Variants in ACO1 observed in about 807,000 individuals in gnomAD.
ACO1 encodes aconitase 1.
Under a neutral mutation model 105.1 loss-of-function variants are expected in ACO1, and 78 were observed. That is an observed-to-expected ratio of 0.74 (90% confidence interval 0.62 to 0.90). The LOEUF (loss-of-function observed/expected upper bound fraction) is 0.90, where lower values mean the gene tolerates loss of function less well. Ranked by LOEUF, ACO1 falls within the 40% of genes least tolerant of loss-of-function variation. ACO1 has a pLI of 0.00. For synonymous variants in ACO1, 364 were observed against 397.4 expected (o/e 0.92, Z 1.00); for missense variants, 965 against 1,111.1 (o/e 0.87, Z 1.87).
At chr9:32,396,052 G>A (rs1394198107) in intron 1 of ACO1, among the ~76,000 whole-genome samples, 3 of 152,196 alleles carry the variant, frequency 2.0e-5, no homozygotes, top group African/African-American at 7.2e-5. Flanking sequence ...TTTTGGCAGT[G>A]GCTGTACACA....
At position 32,427,409 on chromosome 9, in the gene ACO1, G is replaced by A. The variant is rs1210890102; in HGVS notation, c.1457G>A (p.Gly486Glu). ...GTCACCTACTACCTACAAGAAAGCG[G>A]AGTCATGCCTTATCTGTCTCAGCTT... ...GVVTYYLQES[G>E]VMPYLSQLGF... The change falls in exon 12 of 21, where the codon GGA becomes GAA. Residue 486 changes from glycine (G) to glutamate (E), a missense_variant. Physicochemically the swap from Gly to Glu is moderately conservative, Grantham distance 98 (BLOSUM62 -2). Transcript: ENST00000309951. 1 of 1,614,204 alleles carries A rather than the reference G, an allele frequency of 6.2e-7. No individual in the cohort carries two copies.
In ACO1 at chr9:32,452,370, A is replaced by G. The variant is rs574561635; in HGVS notation, c.*2259A>G. ...AGATCATGAGGGTAGTGCCTTTTAA[A>G]AGAGACTCAAGATAAGATAGAGACC... On this transcript the variant is annotated 3_prime_UTR_variant, in exon 21 of 21. Coordinates refer to ENST00000309951, the MANE Select transcript of ACO1 (RefSeq NM_002197.3). 6.6e-6 allele frequency: 1 copy of G among 152,254 alleles called. No homozygotes were observed. The highest frequency in any genetic ancestry group is 1.5e-5 in the Non-Finnish European group (1 of 68,028). 9.4% of individuals were successfully genotyped at this position (152,254 alleles called of 1,614,324 possible). A position where few individuals can be genotyped will look rare whatever the true frequency, so the allele number is the denominator to read the frequency against.
intron 1 of ACO1, among the ~76,000 whole-genome samples, chr9:32,393,917 C>T (rs749161398): frequency 1.4e-4 from 21 of 152,108 alleles, no homozygotes; most frequent in Non-Finnish European, 2.6e-4. Flanking sequence ...GCAGCCTTTC[C>T]CTGAGTTAGT....
intron 8 of ACO1, among the ~76,000 whole-genome samples, chr9:32,421,636 G>A (rs1463779562): frequency 6.6e-6 from 1 of 152,204 alleles, no homozygotes; most frequent in Non-Finnish European, 1.5e-5. Flanking sequence ...CTGACCTGAG[G>A]TCAGGAGTTC....
chr9:32,449,874 C>T (rs1822717678), intron 20 of ACO1, 124 bp from the exon 21 acceptor site: 3 of 702,572 alleles, frequency 4.3e-6, no homozygotes, highest in Non-Finnish European at 7.6e-6. Flanking sequence ...CTTGCATGTC[C>T]TCATGTGCTG....
chr9:32,405,640 T>TG, intron 2 of ACO1, 37 bp downstream of exon 2: 1 of 1,436,498 alleles, frequency 7.0e-7, no homozygotes, highest in Non-Finnish European at 9.7e-7. Flanking sequence ...GGAATCTCAT[T>TG]TGCACAATGA....
At chr9:32,443,450 G>C (rs12001953) in intron 19 of ACO1, among the ~76,000 whole-genome samples, 6,800 of 152,234 alleles carry the variant, frequency 0.045, 480 homozygotes, top group African/African-American at 0.15. Flanking sequence ...AGATATAACA[G>C]AGGTAAAAGG....
At chr9:32,397,692 T>A (rs967971645) in intron 1 of ACO1, among the ~76,000 whole-genome samples, 1 of 152,216 alleles carries the variant, frequency 6.6e-6, no homozygotes, top group East Asian at 1.9e-4. Flanking sequence ...TGAGCTGCAG[T>A]GAACCTCAGA....
intron 13 of ACO1, 23 bp from the exon 14 acceptor site, chr9:32,430,395 G>T (rs749726455): frequency 3.1e-6 from 5 of 1,599,972 alleles, no homozygotes; most frequent in South Asian, 2.3e-5. Flanking sequence ...TTAGTGACCT[G>T]ATTTTTCTCT....
chr9:32,437,561 C>T (rs1438452954), intron 18 of ACO1, among the ~76,000 whole-genome samples: 1 of 151,962 alleles, frequency 6.6e-6, no homozygotes, highest in Non-Finnish European at 1.5e-5. Context: ...ATTGGGGGAC[C>T]CCTAATAAAC....
Position 32,450,045 on chromosome 9 carries a change from T to C in ACO1, c.2604T>C (p.Asp868=), listed in dbSNP as rs61261358. ...TFQAVMRFDT[D]VELTYFLNGG... is the part of the protein sequence containing the mutation. The stretch of plus-strand genomic sequence containing the variant: ...AGGCTGTCATGAGGTTTGACACTGA[T>C]GTGGAGCTCACTTATTTCCTCAACG... The change falls in exon 21 of 21, where the codon GAT becomes GAC. Residue 868 remains aspartate (D), a synonymous_variant. Coordinates refer to ENST00000309951, the MANE Select transcript of ACO1 (RefSeq NM_002197.3). The C allele has an allele frequency of 8.5e-3, 13,795 of 1,614,072 alleles. 701 individuals are homozygous for C. In the African/African-American group the frequency reaches 0.13, roughly 15 times the overall value.
chr9:32,396,820 T>A (rs764024720), intron 1 of ACO1, among the ~76,000 whole-genome samples: 1 of 152,198 alleles, frequency 6.6e-6, no homozygotes, highest in Non-Finnish European at 1.5e-5. Context: ...GTTCCTGGCA[T>A]GTAATAGACA....
In ACO1 at chr9:32,427,446, A is replaced by C. The variant is rs1274590524; in HGVS notation, c.1484+10A>C. ...ATCTGTCTCAGCTTGGGTGAGGGAGAGTTTTCTTTTGCACCATTGCTTTTG... is the reference window on the plus strand; with the variant it reads ...ATCTGTCTCAGCTTGGGTGAGGGAGCGTTTTCTTTTGCACCATTGCTTTTG... On this transcript the variant is annotated intron_variant, in intron 12 of 20. Coordinates refer to ENST00000309951, the MANE Select transcript of ACO1 (RefSeq NM_002197.3). 1.9e-6 allele frequency: 3 copies of C among 1,613,826 alleles called. No individual in the cohort carries two copies. The highest frequency in any genetic ancestry group is 2.5e-6 in the Non-Finnish European group (3 of 1,179,984).
intron 1 of ACO1, among the ~76,000 whole-genome samples, chr9:32,394,139 T>A (rs1014804885): frequency 6.6e-6 from 1 of 152,218 alleles, no homozygotes; most frequent in African/African-American, 2.4e-5. Context: ...ATGTCACACT[T>A]TTGTGCCTTT....
Position 32,418,112 on chromosome 9 carries a change from T to G in ACO1, c.405-16T>G. ...TAAGTCTCAAATTGTATACATTTAA[T>G]TTTTCTCTCTGACAGGGCAGACAGT... On this transcript the variant is annotated splice_polypyrimidine_tract_variant and intron_variant, in intron 4 of 20. Transcript: ENST00000309951. The G allele has an allele frequency of 1.2e-6, 2 of 1,612,602 alleles. No homozygotes were observed. Among genetic ancestry groups the G allele is most frequent in the Non-Finnish European group, 1.7e-6 (2 of 1,178,978 alleles).
intron 12 of ACO1, among the ~76,000 whole-genome samples, chr9:32,428,591 C>A (rs1343709043): frequency 1.3e-5 from 2 of 152,076 alleles, no homozygotes; most frequent in African/African-American, 4.8e-5. Flanking sequence ...GTAATCCCAG[C>A]ACTTTGGGAG....
intron 1 of ACO1, among the ~76,000 whole-genome samples, chr9:32,385,582 T>C (rs1821141522): frequency 6.6e-6 from 1 of 152,196 alleles, no homozygotes; most frequent in Admixed American, 6.5e-5. Flanking sequence ...GAACTATATT[T>C]CCCAAAACAG....
chr9:32,395,405 G>A (rs1030850294), intron 1 of ACO1, among the ~76,000 whole-genome samples: 6 of 152,188 alleles, frequency 3.9e-5, no homozygotes, highest in African/African-American at 1.4e-4. Context: ...GAACCTGGGG[G>A]GCAGAGGTTG....
chr9:32,384,714 G>A lies in ACO1; in HGVS notation c.-44G>A, dbSNP rs910365422. ...CTTGGGTCAGGTTCGCCGGTCGCGG[G>A]AGCCCCGCCGTGCAGTCGGAGGTGA... is the stretch of plus-strand genomic sequence containing the variant. On this transcript the variant is annotated 5_prime_UTR_variant, in exon 1 of 21. Coordinates refer to ENST00000309951, the MANE Select transcript of ACO1 (RefSeq NM_002197.3). 2.4e-6 allele frequency: 1 copy of A among 412,328 alleles called. No homozygotes were observed. Among genetic ancestry groups the A allele is most frequent in the African/African-American group, 2.2e-5 (1 of 46,068 alleles). The allele number at this position is 412,328 out of a possible 1,614,324, so 25.5% of individuals were successfully genotyped here.
Sources: gnomAD v4.1 joint callset for allele counts (sites outside exome capture counted in the v4.1 genomes callset) on GRCh38, gnomAD v4.1.1 for gene constraint, MANE v1.5 for transcripts, NCBI Gene and HGNC (gene_info 2026-07-23, HGNC 2026-07-21) for gene names.